Variants in DGKQ observed in about 807,000 individuals in gnomAD.
DGKQ encodes the protein DAG kinase theta.
DGKQ carries 97 observed loss-of-function variants against 104.2 expected under a neutral mutation model. The ratio of observed to expected loss-of-function variants is 0.93; its 90% CI spans 0.79 to 1.10. The LOEUF is 1.10. Ranked by LOEUF, DGKQ falls within the 50% of genes least tolerant of loss-of-function variation. DGKQ has a pLI of 0.00. For synonymous variants in DGKQ, 736 were observed against 595.2 expected (o/e 1.24, Z -3.44); for missense variants, 1,465 against 1,352.1 (o/e 1.08, Z -1.31).
Position 962,093 on chromosome 4 carries a change from G to A in DGKQ, c.2215-11C>T. ...ACTCATCTGCACGATCTGGGGACAGGGCGTTCATCTCCCAGGACCCGGCCG... is the reference window on the plus strand; with the variant it reads ...ACTCATCTGCACGATCTGGGGACAGAGCGTTCATCTCCCAGGACCCGGCCG... On this transcript the variant is annotated splice_polypyrimidine_tract_variant and intron_variant, in intron 18 of 22. Transcript: ENST00000273814. 1.9e-6 allele frequency: 3 copies of A among 1,607,394 alleles called. No homozygotes were observed. The highest frequency in any genetic ancestry group is 2.5e-6 in the Non-Finnish European group (3 of 1,178,260).
intron 1 of DGKQ, among the ~76,000 whole-genome samples, chr4:972,851 T>C (rs1446939506): frequency 1.3e-5 from 2 of 152,238 alleles, no homozygotes; most frequent in East Asian, 1.9e-4. Context: ...TGAGAAGGGC[T>C]AGGGCCAGGG....
In DGKQ at chr4:961,185, C is replaced by A. The variant is rs1296001243; in HGVS notation, c.2591G>T (p.Gly864Val). The A allele has an allele frequency of 1.3e-6, 2 of 1,571,254 alleles. No homozygotes were observed. Among genetic ancestry groups the A allele is most frequent in the Non-Finnish European group, 1.7e-6 (2 of 1,159,194 alleles). The change falls in exon 22 of 23, where the codon GGG becomes GTG. Residue 864 changes from glycine to valine, a missense_variant. Coordinates refer to ENST00000273814, the MANE Select transcript of DGKQ (RefSeq NM_001347.4). ...GGCAATCCGGATTCCGGAGCGCAGC[C>A]CACCCTGGACCTGGCCCTGGGGCGG... ...GVVHMGQVQG[G>V]LRSGIRIAQG...
At chr4:970,486 C>G (rs1712840555) in intron 2 of DGKQ, among the ~76,000 whole-genome samples, 1 of 152,240 alleles carries the variant, frequency 6.6e-6, no homozygotes, top group Non-Finnish European at 1.5e-5. Context: ...GGCCAAGACA[C>G]CCTCAGGCAC....
At chr4:966,862 C>A (rs897310247) in intron 10 of DGKQ, 60 bp from the exon 11 acceptor site, 1 of 1,571,016 alleles carries the variant, frequency 6.4e-7, no homozygotes, top group Non-Finnish European at 8.6e-7. Context: ...AGGACACCCG[C>A]GGGGACAGCC....
chr4:965,416 AG>A (rs1553911740), intron 14 of DGKQ, 74 bp downstream of exon 14: 6 of 1,557,458 alleles, frequency 3.9e-6, no homozygotes, highest in Non-Finnish European at 4.4e-6. Context: ...GTGCTACGTG[AG>A]GGCCAGGGCT....
Position 960,487 on chromosome 4 carries a change from T to C in DGKQ, c.*133A>G, listed in dbSNP as rs3733346. The C allele has an allele frequency of 0.49, 364,894 of 751,006 alleles. 90,099 individuals are homozygous for C. The highest frequency in any genetic ancestry group is 0.59 in the Admixed American group (25,004 of 42,534). 46.5% of individuals were successfully genotyped at this position (751,006 alleles called of 1,614,324 possible). On this transcript the variant is annotated 3_prime_UTR_variant, in exon 23 of 23. Transcript: ENST00000273814. ...TCCCGCTCCGTCACTGGGAAGATGC[T>C]GTGGTCAGGGCTGTAGCCAGGTCCG...
In DGKQ at chr4:963,162, C is replaced by A; in HGVS notation, c.1863G>T (p.Leu621=). The stretch of plus-strand genomic sequence containing the variant: ...ACCCGGGAAGAGGACCTCCGTTGGT[C>A]AGGTCGAAGACCTGATGAGGGTTCA... ...KLLNPHQVFD[L]TNGGPLPGLH... The change falls in exon 16 of 23, where the codon CTG becomes CTT. Residue 621 remains leucine, a synonymous_variant. Coordinates refer to ENST00000273814, the MANE Select transcript of DGKQ (RefSeq NM_001347.4). 2 of 1,602,288 alleles carry A rather than the reference C, an allele frequency of 1.2e-6. No homozygotes were observed. The highest frequency in any genetic ancestry group is 1.7e-5 in the Admixed American group (1 of 59,624).
chr4:963,158 T>C lies in DGKQ; in HGVS notation c.1867A>G (p.Asn623Asp). ...LNPHQVFDLT[N>D]GGPLPGLHLF... ...ACTCACCCGGGAAGAGGACCTCCGTTGGTCAGGTCGAAGACCTGATGAGGG... is the reference window on the plus strand; with the variant it reads ...ACTCACCCGGGAAGAGGACCTCCGTCGGTCAGGTCGAAGACCTGATGAGGG... The change falls in exon 16 of 23, where the codon AAC becomes GAC. Residue 623 changes from asparagine (N) to aspartate (D), a missense_variant. Transcript: ENST00000273814. The C allele has an allele frequency of 6.2e-7, 1 of 1,601,258 alleles. No individual in the cohort carries two copies. The highest frequency in any genetic ancestry group is 8.5e-7 in the Non-Finnish European group (1 of 1,170,634).
At position 968,367 on chromosome 4, in the gene DGKQ, G is replaced by T; in HGVS notation, c.578C>A (p.Ser193Ter). The change falls in exon 5 of 23, where the codon TCG (serine) becomes TAG (stop). Residue 193 changes from serine (S) to a stop codon, truncating the protein, a stop_gained. Coordinates refer to ENST00000273814, the MANE Select transcript of DGKQ (RefSeq NM_001347.4). LOFTEE classifies it high-confidence loss of function. ...CCTGCAGACCTCGCAGCGCGCTCCC[G>T]AGGGCAGGTTCCCCTCCCGCCAGTG... The part of the protein sequence containing the change: ...HHHWREGNLP[S>*]GARCEVCRKT... 6.7e-7 allele frequency: 1 copy of T among 1,502,942 alleles called. No homozygotes were observed. Among genetic ancestry groups the T allele is most frequent in the Non-Finnish European group, 8.9e-7 (1 of 1,122,658 alleles). The allele number at this position is 1,502,942 out of a possible 1,614,324, so 93.1% of individuals were successfully genotyped here.
In DGKQ at chr4:962,883, G is replaced by C. The variant is rs151032436; in HGVS notation, c.1924C>G (p.Leu642Val). Residue 642 changes from leucine (L) to valine (V), a missense_variant, in exon 17 of 23, where the codon CTG becomes GTG. Leu to Val is a conservative substitution (Grantham distance 32). Transcript: ENST00000273814. ...LFSQVPCFRV[L>V]VCGGDGTVGW... Reference sequence around the variant, plus strand: ...ACAGTGCCATCGCCACCACACACCAGCACCCGGAAGCAGGGCACCTGGGAG... The same window carrying C: ...ACAGTGCCATCGCCACCACACACCACCACCCGGAAGCAGGGCACCTGGGAG... 4 of 1,609,264 alleles carry C rather than the reference G, an allele frequency of 2.5e-6. No individual in the cohort carries two copies. In the African/African-American group the frequency reaches 5.3e-5, roughly 21 times the overall value.
Position 964,819 on chromosome 4 carries a change from C to T in DGKQ, c.1734+357G>A, listed in dbSNP as rs546630826. ...TTGGCGAGGCAGCCGCAGCGGGGCC[C>T]GGCACATCCAGGAGCTGCGTCCTGT... On this transcript the variant is annotated intron_variant, in intron 15 of 22. Transcript: ENST00000273814. Among the ~76,000 whole-genome samples, 12 of 152,130 alleles carry T rather than the reference C, an allele frequency of 7.9e-5. 1 individual carries two copies. Among genetic ancestry groups the T allele is most frequent in the African/African-American group, 2.2e-4 (9 of 41,552 alleles).
rs1227351148 is a variant in DGKQ, at chr4:968,401, G to C, written c.544C>G (p.His182Asp). 1 of 1,578,884 alleles carries C rather than the reference G, an allele frequency of 6.3e-7. No individual in the cohort carries two copies. Among genetic ancestry groups the C allele is most frequent in the East Asian group, 2.3e-5 (1 of 43,262 alleles). ...HQDGHQDHDT[H>D]HHHWREGNLP... is the part of the protein sequence containing the mutation. ...TTCCCCTCCCGCCAGTGGTGGTGAT[G>C]GGTGTCCTGCAGAGCGGGGGCAGTC... Residue 182 changes from histidine (H) to aspartate (D), a missense_variant, in exon 5 of 23, where the codon CAT becomes GAT. His to Asp is a moderately conservative substitution (Grantham distance 81). Coordinates refer to ENST00000273814, the MANE Select transcript of DGKQ (RefSeq NM_001347.4).
chr4:971,741 G>A lies in DGKQ; in HGVS notation c.272-669C>T, dbSNP rs1333542501. 6.6e-6 allele frequency among the ~76,000 whole-genome samples: 1 copy of A among 152,126 alleles called. No individual in the cohort carries two copies. The highest frequency in any genetic ancestry group is 2.4e-5 in the African/African-American group (1 of 41,428). ...GAGGGTGGGGCCGGGGCAGAAGGGA[G>A]GGCAGGAACCCTGGGCTGGGGCAAA... On this transcript the variant is annotated intron_variant, in intron 1 of 22. Coordinates refer to ENST00000273814, the MANE Select transcript of DGKQ (RefSeq NM_001347.4). The surrounding 1 kb of genome is among the most constrained non-coding windows in gnomAD (Gnocchi z 4.0).
chr4:968,597 GC>G, intron 3 of DGKQ, 33 bp from the exon 4 acceptor site: 3 of 1,554,676 alleles, frequency 1.9e-6, no homozygotes, highest in Non-Finnish European at 2.6e-6. Context: ...GGTGTCTGCC[GC>G]CCCCGGAGGA....
rs1406865342 is a variant in DGKQ, at chr4:973,559, T to C, written c.-77A>G. The C allele has an allele frequency of 3.1e-6, 3 of 976,308 alleles. No individual in the cohort carries two copies. Among genetic ancestry groups the C allele is most frequent in the Non-Finnish European group, 2.4e-6 (2 of 823,454 alleles). 60.5% of individuals were successfully genotyped at this position (976,308 alleles called of 1,614,324 possible). On this transcript the variant is annotated 5_prime_UTR_variant, in exon 1 of 23. Coordinates refer to ENST00000273814, the MANE Select transcript of DGKQ (RefSeq NM_001347.4). Reference sequence around the variant, plus strand: ...GCCGCCGCTCCACGGCCCGGTACACTGCTTCCGACTGCGCCTGCCCCACTG... The same window carrying C: ...GCCGCCGCTCCACGGCCCGGTACACCGCTTCCGACTGCGCCTGCCCCACTG...
Position 959,311 on chromosome 4 carries a change from G to T in DGKQ, c.*1309C>A, listed in dbSNP as rs1351225251. 1 of 152,550 alleles carries T rather than the reference G, an allele frequency of 6.6e-6. No homozygotes were observed. Among genetic ancestry groups the T allele is most frequent in the African/African-American group, 2.4e-5 (1 of 41,476 alleles). The allele number at this position is 152,550 out of a possible 1,614,324, so 9.4% of individuals were successfully genotyped here. ...TGAGGTCAAAGCCACACCCAGGAAA[G>T]CTCCGCAGGATTGGAGGCCCAGGCC... On this transcript the variant is annotated 3_prime_UTR_variant, in exon 23 of 23. Transcript: ENST00000273814.
chr4:971,566 G>T lies in DGKQ; in HGVS notation c.272-494C>A, dbSNP rs1486195107. 6.6e-6 allele frequency among the ~76,000 whole-genome samples: 1 copy of T among 152,226 alleles called. No homozygotes were observed. Among genetic ancestry groups the T allele is most frequent in the Non-Finnish European group, 1.5e-5 (1 of 68,038 alleles). On this transcript the variant is annotated intron_variant, in intron 1 of 22. Coordinates refer to ENST00000273814, the MANE Select transcript of DGKQ (RefSeq NM_001347.4). The surrounding 1 kb of genome is among the most constrained non-coding windows in gnomAD (Gnocchi z 4.0). The stretch of plus-strand genomic sequence containing the variant: ...GCCACCCAAGGCAGGTGAGGGCTCT[G>T]GGAGGCAGGAGCCGCTGGGGAGTGG...
At chr4:968,606 G>C in intron 3 of DGKQ, 42 bp from the exon 4 acceptor site, 2 of 1,543,344 alleles carry the variant, frequency 1.3e-6, no homozygotes, top group Non-Finnish European at 1.8e-6. Context: ...CGCCCCCGGA[G>C]GACCCCTGCC....
chr4:971,804 C>T lies in DGKQ; in HGVS notation c.272-732G>A, dbSNP rs1038245062. Among the ~76,000 whole-genome samples, 3 of 152,146 alleles carry T rather than the reference C, an allele frequency of 2.0e-5. No individual in the cohort carries two copies. Among genetic ancestry groups the T allele is most frequent in the African/African-American group, 7.2e-5 (3 of 41,442 alleles). On this transcript the variant is annotated intron_variant, in intron 1 of 22. Transcript: ENST00000273814. This position sits in a 1 kb window ranked among gnomAD's most constrained non-coding sequence, Gnocchi z 4.0. The stretch of plus-strand genomic sequence containing the variant: ...TGGGAGTGGGCAGGGCACCCAGTGA[C>T]ACAACTGCCAAGACAGCCCCGGGTG...
Sources: gnomAD v4.1 joint callset for allele counts (sites outside exome capture counted in the v4.1 genomes callset) on GRCh38, gnomAD v4.1.1 for gene constraint, Gnocchi (gnomAD v3.1) non-coding constraint, MANE v1.5 for transcripts, NCBI Gene and HGNC (gene_info 2026-07-23, HGNC 2026-07-21) for gene names.